The following VAC14 variants were observed in gnomAD, a reference collection of about 807,000 sequenced individuals.
The protein encoded by VAC14 is protein VAC14 homolog.
Under a neutral mutation model 85.3 loss-of-function variants are expected in VAC14, and 47 were observed. The ratio of observed to expected loss-of-function variants is 0.55; its 90% CI spans 0.44 to 0.70. The LOEUF (loss-of-function observed/expected upper bound fraction) is 0.70, where lower values mean the gene tolerates loss of function less well. VAC14 is among the 30% of genes least tolerant of loss of function. The probability of loss-of-function intolerance (pLI) is 0.00; values close to 1 mark genes in which losing one functional copy is unlikely to be tolerated. For synonymous variants in VAC14, 447 were observed against 430.5 expected (o/e 1.04, Z -0.47); for missense variants, 861 against 1,004.3 (o/e 0.86, Z 1.93).
At chr16:70,797,746 C>T (rs1186437213) in intron 1 of VAC14, among the ~76,000 whole-genome samples, 1 of 152,158 alleles carries the variant, frequency 6.6e-6, no homozygotes, top group African/African-American at 2.4e-5. Flanking sequence ...TGGCCTAGCA[C>T]CATCTTCTTG....
At chr16:70,721,827 A>G (rs2054300827) in intron 14 of VAC14, among the ~76,000 whole-genome samples, 1 of 152,152 alleles carries the variant, frequency 6.6e-6, no homozygotes, top group African/African-American at 2.4e-5. Context: ...AGTCCTGGAT[A>G]GCACGTGTCC....
intron 12 of VAC14, among the ~76,000 whole-genome samples, chr16:70,746,091 T>C (rs2030866438): frequency 6.6e-6 from 1 of 152,150 alleles, no homozygotes; most frequent in Admixed American, 6.5e-5. Context: ...GCCTACCCCC[T>C]CAAAAGCCAT....
intron 12 of VAC14, among the ~76,000 whole-genome samples, chr16:70,755,848 TC>T: frequency 6.6e-6 from 1 of 152,218 alleles, no homozygotes; most frequent in East Asian, 1.9e-4. Context: ...CAGTAACAGC[TC>T]CTCTCTTTGG....
chr16:70,745,839 TG>T (rs55884440), intron 12 of VAC14, among the ~76,000 whole-genome samples: 100,000 of 152,082 alleles, frequency 0.66, 34,431 homozygotes, highest in Admixed American at 0.76. Context: ...GCTTCAGCCC[TG>T]GACCAGGGAA....
At position 70,771,233 on chromosome 16, in the gene VAC14, G is replaced by C. The variant is rs553184420; in HGVS notation, c.1160+876C>G. On this transcript the variant is annotated intron_variant, in intron 10 of 18. Transcript: ENST00000261776. ...AGTATGGAGGGAGCCCCAAGGAAGA[G>C]AATTATTTTGCTGCCTGGTCTGCAC... 6.6e-5 allele frequency: 10 copies of C among 152,368 alleles called. 1 individual carries two copies. Among genetic ancestry groups the C allele is most frequent in the Middle Eastern group, 6.8e-3 (2 of 294 alleles). The allele number at this position is 152,368 out of a possible 1,614,324, so 9.4% of individuals were successfully genotyped here.
rs889160833 is a variant in VAC14, at chr16:70,785,578, C to T, written c.423+124G>A. On this transcript the variant is annotated intron_variant, in intron 3 of 18. Transcript: ENST00000261776. ...ATTAGATTCAACAGACAGTAAGTGT[C>T]CCTTGCAGCCACATGCTTGTTTGCT... 25 of 1,154,772 alleles carry T rather than the reference C, an allele frequency of 2.2e-5. No homozygotes were observed. In the African/African-American group the frequency reaches 3.8e-4, roughly 17 times the overall value. The allele number at this position is 1,154,772 out of a possible 1,614,324, so 71.5% of individuals were successfully genotyped here. A position where few individuals can be genotyped will look rare whatever the true frequency, so the allele number is the denominator to read the frequency against.
At chr16:70,747,434 T>C (rs2030993907) in intron 12 of VAC14, 1 of 151,480 alleles carries the variant, frequency 6.6e-6, no homozygotes, top group Non-Finnish European at 1.5e-5. Flanking sequence ...AGTTACTCTA[T>C]GGTATACTTT....
At chr16:70,769,029 T>C (rs956502528) in intron 10 of VAC14, 3 of 267,986 alleles carry the variant, frequency 1.1e-5, no homozygotes, top group Admixed American at 1.0e-4. Context: ...TTGGCCAGGC[T>C]GATCTCGAAC....
chr16:70,691,770 C>T (rs1010229193), intron 18 of VAC14: 3 of 985,296 alleles, frequency 3.0e-6, no homozygotes, highest in Non-Finnish European at 3.6e-6. Context: ...AGGTGCCCCA[C>T]ACTCAGCCAT....
chr16:70,693,268 C>T (rs1567519123), intron 17 of VAC14, among the ~76,000 whole-genome samples: 1 of 152,216 alleles, frequency 6.6e-6, no homozygotes, highest in Admixed American at 6.5e-5. Flanking sequence ...ACAGTCACCT[C>T]AGCCCCACAA....
At position 70,772,135 on chromosome 16, in the gene VAC14, G is replaced by A. The variant is rs370922115; in HGVS notation, c.1134C>T (p.Ser378=). 10 of 1,613,976 alleles carry A rather than the reference G, an allele frequency of 6.2e-6. No individual in the cohort carries two copies. In the Middle Eastern group the frequency reaches 6.6e-4, roughly 107 times the overall value. The change falls in exon 10 of 19, where the codon AGC becomes AGT. Residue 378 remains serine, a synonymous_variant. Coordinates refer to ENST00000261776, the MANE Select transcript of VAC14 (RefSeq NM_018052.5). Reference sequence around the variant, plus strand: ...TGGCTGCAGTGAAGACACTGATGCCGCTACTGAAGCTGGAGTCACAGGAAC... The same window carrying A: ...TGGCTGCAGTGAAGACACTGATGCCACTACTGAAGCTGGAGTCACAGGAAC... ...PDGSCDSSFS[S]GISVFTAAST...
At chr16:70,744,269 G>A (rs1319143769) in intron 13 of VAC14, among the ~76,000 whole-genome samples, 154 bp downstream of exon 13, 1 of 152,202 alleles carries the variant, frequency 6.6e-6, no homozygotes, top group South Asian at 2.1e-4. Flanking sequence ...CGGTCTTGAG[G>A]TGGGAGATCG....
intron 13 of VAC14, 85 bp from the exon 14 acceptor site, chr16:70,731,712 A>G (rs2054597024): frequency 5.6e-6 from 8 of 1,424,948 alleles, no homozygotes; most frequent in Non-Finnish European, 7.5e-6. Flanking sequence ...AAACAACTAT[A>G]AATGCCAAAA....
chr16:70,784,238 G>A lies in VAC14; in HGVS notation c.487-18C>T, dbSNP rs750848504. On this transcript the variant is annotated intron_variant, in intron 4 of 18. Coordinates refer to ENST00000261776, the MANE Select transcript of VAC14 (RefSeq NM_018052.5). ...ACAATGTCCTGTGGATCAGAGGAAA[G>A]TGAGCTGCCGAGAGCCCGAGACCAG... 1.9e-6 allele frequency: 3 copies of A among 1,608,668 alleles called. No individual in the cohort carries two copies. In the South Asian group the frequency reaches 3.3e-5, roughly 18 times the overall value.
At chr16:70,697,745 C>T (rs776901740) in intron 15 of VAC14, among the ~76,000 whole-genome samples, 17 of 152,194 alleles carry the variant, frequency 1.1e-4, no homozygotes, top group Non-Finnish European at 2.5e-4. Context: ...CCCTTGCCCC[C>T]GAGGAAAATT....
intron 12 of VAC14, among the ~76,000 whole-genome samples, chr16:70,760,842 T>C (rs958052389): frequency 6.6e-6 from 1 of 152,020 alleles, no homozygotes; most frequent in African/African-American, 2.4e-5. Flanking sequence ...AAAGTTCTGC[T>C]CTTCTTTTTT....
intron 14 of VAC14, among the ~76,000 whole-genome samples, chr16:70,701,451 C>G (rs2053826698): frequency 6.6e-6 from 1 of 152,158 alleles, no homozygotes; most frequent in Admixed American, 6.5e-5. Context: ...GTCATCCTGA[C>G]CCCCAGTCCC....
intron 10 of VAC14, among the ~76,000 whole-genome samples, chr16:70,764,635 A>G (rs552422187): frequency 1.3e-5 from 2 of 152,356 alleles, no homozygotes; most frequent in East Asian, 3.9e-4. Context: ...AATTGACCCA[A>G]TGTATCTAAA....
At chr16:70,734,277 T>C (rs964285948) in intron 13 of VAC14, among the ~76,000 whole-genome samples, 1 of 152,178 alleles carries the variant, frequency 6.6e-6, no homozygotes, top group Non-Finnish European at 1.5e-5. Flanking sequence ...TAGCTAGGAC[T>C]ACAGGCTTGT....
Sources: allele counts gnomAD v4.1 joint callset (sites outside exome capture counted in the v4.1 genomes callset), GRCh38; gene constraint gnomAD v4.1.1; transcripts MANE v1.5; gene names NCBI Gene and HGNC (gene_info 2026-07-23, HGNC 2026-07-21).